GBE1: variants seen among roughly 807,000 people sequenced by gnomAD.
The protein encoded by GBE1 is 1,4-alpha-glucan branching enzyme 1.
A neutral mutation model predicts 88.8 loss-of-function variants in GBE1; 70 were observed. The observed-to-expected ratio is 0.79, with a 90% CI of 0.65 to 0.96. The LOEUF is 0.96. Among genes scored for constraint, GBE1 ranks in the 40% least tolerant of loss-of-function variants. The pLI, the probability that GBE1 is intolerant of heterozygous loss-of-function variation, is 0.00. For synonymous variants in GBE1, 284 were observed against 300.1 expected (o/e 0.95, Z 0.56); for missense variants, 872 against 871.0 (o/e 1.00, Z -0.01).
chr3:81,536,859 G>C, intron 13 of GBE1, 52 bp downstream of exon 13: 1 of 1,373,482 alleles, frequency 7.3e-7, no homozygotes, highest in East Asian at 2.5e-5. Context: ...TGCCATTCTA[G>C]GCATGTACCT....
chr3:81,657,591 G>A (rs1704959972), intron 3 of GBE1, among the ~76,000 whole-genome samples: 1 of 152,020 alleles, frequency 6.6e-6, no homozygotes, highest in South Asian at 2.1e-4. Context: ...TTCTAAAACT[G>A]TACATAGTTA....
In GBE1 at chr3:81,759,526, T is replaced by A. The variant is rs148557275; in HGVS notation, c.143+1849A>T. On this transcript the variant is annotated intron_variant, in intron 1 of 15. Transcript: ENST00000429644. ...GAAAAATGTTTTATTCTTCAAGTGT[T>A]AACAATAGAAGTTACCACTAACAAA... Among the ~76,000 whole-genome samples the A allele has an allele frequency of 3.6e-3, 543 of 152,348 alleles. 1 individual carries two copies. The highest frequency in any genetic ancestry group is 5.2e-3 in the Non-Finnish European group (354 of 68,034).
At chr3:81,669,633 A>C (rs565420402) in intron 3 of GBE1, among the ~76,000 whole-genome samples, 14 of 151,480 alleles carry the variant, frequency 9.2e-5, no homozygotes, top group East Asian at 1.9e-4. Flanking sequence ...GGAAAAAAAA[A>C]ACACACACAC....
intron 3 of GBE1, among the ~76,000 whole-genome samples, chr3:81,660,550 G>C (rs1237666331): frequency 6.6e-6 from 1 of 152,010 alleles, no homozygotes; most frequent in East Asian, 1.9e-4. Flanking sequence ...GTGAGGCATG[G>C]GGAATATTCG....
At chr3:81,506,560 G>A (rs191060539) in intron 14 of GBE1, among the ~76,000 whole-genome samples, 13 of 152,190 alleles carry the variant, frequency 8.5e-5, no homozygotes, top group African/African-American at 1.7e-4. Flanking sequence ...TAGCAATCTC[G>A]TTACAGGGTA....
At chr3:81,614,028 CT>C (rs760867301) in intron 7 of GBE1, among the ~76,000 whole-genome samples, 21 of 150,952 alleles carry the variant, frequency 1.4e-4, no homozygotes, top group Non-Finnish European at 3.0e-5. Flanking sequence ...ATCTGAGTTA[CT>C]TTTTTTTGTT....
intron 12 of GBE1, among the ~76,000 whole-genome samples, chr3:81,549,060 T>C (rs1417450394): frequency 6.7e-6 from 1 of 148,990 alleles, no homozygotes; most frequent in African/African-American, 2.4e-5. Flanking sequence ...AGATGGAGTC[T>C]TGCTCTGTCA....
intron 1 of GBE1, among the ~76,000 whole-genome samples, chr3:81,706,250 A>G (rs1043458198): frequency 6.6e-6 from 1 of 152,128 alleles, no homozygotes; most frequent in Non-Finnish European, 1.5e-5. Context: ...CCCTAAAGCA[A>G]CTAAGCATGT....
chr3:81,586,789 AAT>A (rs2106946094), intron 9 of GBE1, among the ~76,000 whole-genome samples: 2 of 85,618 alleles, frequency 2.3e-5, no homozygotes, highest in East Asian at 1.9e-3. Flanking sequence ...CAAGATAGAG[AAT>A]TTTTTTTTTT....
At chr3:81,741,819 A>ATTATACTCTACATAATATAGAGTT (rs1559705418) in intron 1 of GBE1, among the ~76,000 whole-genome samples, 6 of 147,668 alleles carry the variant, frequency 4.1e-5, no homozygotes, top group African/African-American at 1.5e-4. Context: ...AATATAGAGT[A>ATTATACTCTACATAATATAGAGTT]TTATACATAT....
intron 7 of GBE1, among the ~76,000 whole-genome samples, chr3:81,607,759 G>A (rs1704123496): frequency 6.6e-6 from 1 of 152,052 alleles, no homozygotes. Flanking sequence ...AGTCTAAAAT[G>A]TCATCCATTA....
At chr3:81,671,728 A>T (rs1705193896) in intron 2 of GBE1, among the ~76,000 whole-genome samples, 1 of 152,148 alleles carries the variant, frequency 6.6e-6, no homozygotes, top group Non-Finnish European at 1.5e-5. Context: ...GAAAATACAG[A>T]GAAATATATT....
chr3:81,741,688 T>A (rs1427286714), intron 1 of GBE1, among the ~76,000 whole-genome samples: 2 of 151,692 alleles, frequency 1.3e-5, no homozygotes, highest in African/African-American at 4.8e-5. Flanking sequence ...AAGTTCTATG[T>A]ATATGTGGTG....
At chr3:81,705,872 C>T (rs1474154535) in intron 1 of GBE1, among the ~76,000 whole-genome samples, 1 of 152,090 alleles carries the variant, frequency 6.6e-6, no homozygotes, top group African/African-American at 2.4e-5. Context: ...GATGGTTATA[C>T]TATTTCATGA....
intron 7 of GBE1, among the ~76,000 whole-genome samples, chr3:81,618,956 T>C (rs1559664936): frequency 6.6e-6 from 1 of 151,614 alleles, no homozygotes; most frequent in Admixed American, 6.6e-5. Flanking sequence ...TTGGAAATCT[T>C]TGAACTTATA....
chr3:81,490,455 A>C lies in GBE1; in HGVS notation c.2061T>G (p.Ile687Met). ...NGRPYSLLVY[I>M]PSRVALILQN... ...GAAGGATGAGGGCCACTCTGCTTGG[A>C]ATGTACACCTACGTCAAAACAATTA... Residue 687 changes from isoleucine to methionine, a missense_variant, in exon 16 of 16, where the codon ATT becomes ATG. By Grantham distance (10) the Ile-to-Met change is conservative. Coordinates refer to ENST00000429644, the MANE Select transcript of GBE1 (RefSeq NM_000158.4). 6.2e-7 allele frequency: 1 copy of C among 1,612,848 alleles called. No homozygotes were observed. The highest frequency in any genetic ancestry group is 2.2e-5 in the East Asian group (1 of 44,836).
intron 6 of GBE1, among the ~76,000 whole-genome samples, chr3:81,645,247 G>A (rs1191577441): frequency 1.3e-5 from 2 of 152,090 alleles, no homozygotes; most frequent in African/African-American, 2.4e-5. Context: ...TTATTGGGAC[G>A]TCCAATATTT....
At chr3:81,702,247 C>T (rs998462455) in intron 2 of GBE1, among the ~76,000 whole-genome samples, 1 of 151,496 alleles carries the variant, frequency 6.6e-6, no homozygotes, top group Non-Finnish European at 1.5e-5. Flanking sequence ...TAAAGTCATA[C>T]TGACCCACGT....
intron 1 of GBE1, among the ~76,000 whole-genome samples, chr3:81,754,230 T>A (rs1490518105): frequency 6.6e-6 from 1 of 151,642 alleles, no homozygotes; most frequent in Non-Finnish European, 1.5e-5. Flanking sequence ...GAATACAAAA[T>A]ACCTAGGAAT....
Sources: gnomAD v4.1 joint callset for allele counts (sites outside exome capture counted in the v4.1 genomes callset) on GRCh38, gnomAD v4.1.1 for gene constraint, MANE v1.5 for transcripts, NCBI Gene and HGNC (gene_info 2026-07-23, HGNC 2026-07-21) for gene names.